The following CSMD3 variants were observed in gnomAD, a reference collection of about 807,000 sequenced individuals.
The protein encoded by CSMD3 is CUB and sushi domain-containing protein 3.
CSMD3 carries 177 observed loss-of-function variants against 435.2 expected under a neutral mutation model. The ratio of observed to expected loss-of-function variants is 0.41; its 90% CI spans 0.36 to 0.46. CSMD3 has a LOEUF of 0.46. Among genes scored for constraint, CSMD3 ranks in the 20% least tolerant of loss-of-function variants. CSMD3 has a pLI of 0.34. For synonymous variants in CSMD3, 1,656 were observed against 1,520.5 expected (o/e 1.09, Z -2.07); for missense variants, 4,265 against 4,504.6 (o/e 0.95, Z 1.52).
intron 13 of CSMD3, among the ~76,000 whole-genome samples, chr8:112,725,452 T>C (rs1381880866): frequency 6.6e-6 from 1 of 151,902 alleles, no homozygotes; most frequent in Non-Finnish European, 1.5e-5. Flanking sequence ...AAAATCCATA[T>C]TAAAGGGAAA....
At chr8:113,374,788 C>G (rs2094368165) in intron 1 of CSMD3, among the ~76,000 whole-genome samples, 1 of 131,996 alleles carries the variant, frequency 7.6e-6, no homozygotes, top group Non-Finnish European at 1.5e-5. Context: ...TCTTTGTGTA[C>G]ACTGCCATAT....
At chr8:112,482,500 A>C (rs1355859786) in intron 31 of CSMD3, among the ~76,000 whole-genome samples, 1 of 152,206 alleles carries the variant, frequency 6.6e-6, no homozygotes, top group Non-Finnish European at 1.5e-5. Flanking sequence ...CTTCACTCCC[A>C]AAATAATTTC....
At chr8:113,069,585 A>G (rs1442835331) in intron 5 of CSMD3, among the ~76,000 whole-genome samples, 3 of 152,116 alleles carry the variant, frequency 2.0e-5, no homozygotes, top group South Asian at 2.1e-4. Flanking sequence ...GATCTTACAT[A>G]GCAAGATGTC....
At chr8:113,218,103 C>CATATATAT (rs3048832) in intron 3 of CSMD3, among the ~76,000 whole-genome samples, 4 of 146,840 alleles carry the variant, frequency 2.7e-5, no homozygotes, top group African/African-American at 9.9e-5. Flanking sequence ...ATATGCTATT[C>CATATATAT]ATATATATAT....
intron 25 of CSMD3, among the ~76,000 whole-genome samples, chr8:112,553,740 A>G (rs527430663): frequency 2.0e-5 from 3 of 152,140 alleles, no homozygotes; most frequent in Non-Finnish European, 4.4e-5. Flanking sequence ...ATTAGACCAA[A>G]GAAGGTCAAA....
intron 3 of CSMD3, among the ~76,000 whole-genome samples, chr8:113,176,802 A>G (rs558982810): frequency 2.0e-5 from 3 of 152,022 alleles, no homozygotes; most frequent in African/African-American, 7.2e-5. Context: ...GCTGGGCTCA[A>G]TATCTAGGTG....
Position 112,587,214 on chromosome 8 carries a change from G to A in CSMD3, c.3737C>T (p.Thr1246Met), listed in dbSNP as rs368354252. The change falls in exon 23 of 71, where the codon ACG (threonine) becomes ATG (methionine). Residue 1246 changes from threonine (T) to methionine (M), a missense_variant. Thr to Met is a moderately conservative substitution (Grantham distance 81). Around this residue, in one of 3 missense-constraint regions of CSMD3, gnomAD observed 3,255 missense variants for 3,380.2 expected, o/e 0.96. Coordinates refer to ENST00000297405, the MANE Select transcript of CSMD3 (RefSeq NM_198123.2). ...RCVAECGASA[T>M]NNEGILLSPN... is the part of the protein sequence containing the mutation. ...AGACAGCAAAATTCCTTCATTATTCGTTGCAGATGCACCACATTCAGCTGC... is the reference window on the plus strand; with the variant it reads ...AGACAGCAAAATTCCTTCATTATTCATTGCAGATGCACCACATTCAGCTGC... 111 of 1,609,056 alleles carry A rather than the reference G, an allele frequency of 6.9e-5. No homozygotes were observed. In the Middle Eastern group the frequency reaches 1.2e-3, roughly 17 times the overall value.
intron 36 of CSMD3, among the ~76,000 whole-genome samples, chr8:112,386,998 G>C (rs977537666): frequency 5.9e-5 from 9 of 152,092 alleles, no homozygotes; most frequent in Non-Finnish European, 1.2e-4. Context: ...GCTGTAAATT[G>C]ATACAATAAT....
chr8:113,302,222 A>T (rs1459104926), intron 2 of CSMD3, among the ~76,000 whole-genome samples: 1 of 75,226 alleles, frequency 1.3e-5, no homozygotes, highest in Non-Finnish European at 3.1e-5. Flanking sequence ...CTGTATATAT[A>T]ATATAATATA....
chr8:112,346,627 GTA>G (rs1433957225), intron 40 of CSMD3, among the ~76,000 whole-genome samples: 3 of 139,688 alleles, frequency 2.1e-5, no homozygotes, highest in African/African-American at 8.2e-5. Context: ...TCTAAGTACT[GTA>G]TTCAAGAGGA....
intron 1 of CSMD3, among the ~76,000 whole-genome samples, chr8:113,330,563 A>G (rs1371033541): frequency 1.3e-5 from 2 of 151,952 alleles, no homozygotes; most frequent in Non-Finnish European, 2.9e-5. Context: ...TTAGGTACAG[A>G]GGCACAAAAC....
chr8:112,765,470 C>G (rs556896152), intron 13 of CSMD3, among the ~76,000 whole-genome samples: 1 of 151,568 alleles, frequency 6.6e-6, no homozygotes, highest in African/African-American at 2.4e-5. Flanking sequence ...GTACCTGATT[C>G]GGGACACTGT....
At chr8:112,914,567 T>G (rs1015372329) in intron 10 of CSMD3, among the ~76,000 whole-genome samples, 4 of 151,468 alleles carry the variant, frequency 2.6e-5, no homozygotes, top group African/African-American at 9.7e-5. Context: ...TGTCATAAAT[T>G]CTGAAGATTC....
chr8:113,194,359 G>C (rs1250377152), intron 3 of CSMD3, among the ~76,000 whole-genome samples: 1 of 151,174 alleles, frequency 6.6e-6, no homozygotes, highest in Non-Finnish European at 1.5e-5. Context: ...CACACAGAGT[G>C]TACTCAACAA....
chr8:112,775,985 C>T (rs2078235976), intron 13 of CSMD3, among the ~76,000 whole-genome samples: 1 of 151,816 alleles, frequency 6.6e-6, no homozygotes, highest in Admixed American at 6.6e-5. Flanking sequence ...TTTACAACTT[C>T]TAGCATGATA....
rs1285844545 is a variant in CSMD3, at chr8:112,577,443, G to A, written c.3886-3786C>T. Among the ~76,000 whole-genome samples the A allele has an allele frequency of 5.3e-5, 8 of 151,938 alleles. No homozygotes were observed. The South Asian group carries it at 6.2e-4, about 12-fold the overall frequency. On this transcript the variant is annotated intron_variant, in intron 23 of 70. Transcript: ENST00000297405. ...GTAGGACTTTTATTTGAGACTCTTA[G>A]TGCTCATATTTCTGTTCTAATTAAA...
At chr8:112,727,487 A>G (rs1475566404) in intron 13 of CSMD3, among the ~76,000 whole-genome samples, 2 of 151,854 alleles carry the variant, frequency 1.3e-5, no homozygotes, top group Non-Finnish European at 2.9e-5. Context: ...TTAAACCCCA[A>G]GGACTATTCT....
intron 38 of CSMD3, among the ~76,000 whole-genome samples, chr8:112,356,428 T>C (rs1442191367): frequency 6.6e-6 from 1 of 152,072 alleles, no homozygotes; most frequent in Non-Finnish European, 1.5e-5. Context: ...ATACCACATA[T>C]TGTCACTTAT....
chr8:112,797,226 T>C (rs998334970), intron 13 of CSMD3, among the ~76,000 whole-genome samples: 2 of 151,942 alleles, frequency 1.3e-5, no homozygotes, highest in African/African-American at 2.4e-5. Flanking sequence ...TCAAACTATA[T>C]GTTTTGGAGT....
Sources: allele counts gnomAD v4.1 joint callset (sites outside exome capture counted in the v4.1 genomes callset), GRCh38; gene constraint gnomAD v4.1.1; regional missense constraint gnomAD v4.1.1; transcripts MANE v1.5; gene names NCBI Gene and HGNC (gene_info 2026-07-23, HGNC 2026-07-21).